Variants in ACAD11 observed in about 807,000 individuals in gnomAD.
ACAD11 encodes the protein acyl-Coenzyme A dehydrogenase family, member 11.
ACAD11 carries 83 observed loss-of-function variants against 102.2 expected under a neutral mutation model. That is an observed-to-expected ratio of 0.81 (90% CI 0.68 to 0.97). The LOEUF is 0.97. ACAD11 is among the 50% of genes least tolerant of loss of function. ACAD11 has a pLI of 0.00. For synonymous variants in ACAD11, 324 were observed against 319.8 expected (o/e 1.01, Z -0.14); for missense variants, 901 against 951.7 (o/e 0.95, Z 0.70).
In ACAD11 at chr3:132,626,608, A is replaced by T. The variant is rs537971570; in HGVS notation, c.1197+83T>A. The T allele has an allele frequency of 7.3e-6, 11 of 1,505,784 alleles. No individual in the cohort carries two copies. The Admixed American group carries it at 1.7e-4, about 24-fold the overall frequency. 93.3% of individuals were successfully genotyped at this position (1,505,784 alleles called of 1,614,324 possible). ...AGGATTGACTAAAGAAAATGACACC[A>T]TGCTTCTCCTATAAGCAGAAATAAC... On this transcript the variant is annotated intron_variant, in intron 9 of 19. Transcript: ENST00000264990.
At position 132,619,569 on chromosome 3, in the gene ACAD11, T is replaced by A. The variant is rs770332476; in HGVS notation, c.1198-24A>T. On this transcript the variant is annotated intron_variant, in intron 9 of 19. Coordinates refer to ENST00000264990, the MANE Select transcript of ACAD11 (RefSeq NM_032169.5). ...TCCTTAAAGTAATAAAAGAAAAAAA[T>A]TTCACTAGCTAAAGTTAATACAAAG... is the stretch of plus-strand genomic sequence containing the variant. The A allele has an allele frequency of 6.7e-6, 9 of 1,341,412 alleles. No homozygotes were observed. The Admixed American group carries it at 6.8e-5, about 10-fold the overall frequency. The allele number at this position is 1,341,412 out of a possible 1,614,324, so 83.1% of individuals were successfully genotyped here.
intron 17 of ACAD11, among the ~76,000 whole-genome samples, chr3:132,572,256 C>T (rs1937400895): frequency 2.6e-5 from 4 of 151,692 alleles, no homozygotes. Flanking sequence ...CACTAGCACT[C>T]CCCGAGAGCC....
At chr3:132,630,257 TC>T (rs1024244384) in intron 7 of ACAD11, among the ~76,000 whole-genome samples, 179 bp downstream of exon 7, 2 of 152,230 alleles carry the variant, frequency 1.3e-5, no homozygotes, top group Non-Finnish European at 2.9e-5. Flanking sequence ...TCAAATTTTT[TC>T]CTTGCCAAAT....
In ACAD11 at chr3:132,659,668, G is replaced by A. The variant is rs1015427610; in HGVS notation, c.84C>T (p.Tyr28=). Residue 28 remains tyrosine, a synonymous_variant, in exon 1 of 20, where the codon TAC becomes TAT. Transcript: ENST00000264990. ...CAAAGCCAGACAAGTGCTGGTTTAG[G>A]TAGGCCTCCAGGGACTTGCTGTCGA... ...HKFDSKSLEA[Y]LNQHLSGFGA... 1 of 1,611,620 alleles carries A rather than the reference G, an allele frequency of 6.2e-7. No homozygotes were observed. The highest frequency in any genetic ancestry group is 8.5e-7 in the Non-Finnish European group (1 of 1,178,954).
chr3:132,607,846 A>C (rs908028540), intron 11 of ACAD11, among the ~76,000 whole-genome samples: 11 of 152,186 alleles, frequency 7.2e-5, no homozygotes, highest in Middle Eastern at 3.2e-3. Context: ...GGTTGAAATG[A>C]AAGAAAAAAT....
In ACAD11 at chr3:132,605,161, G is replaced by C. The variant is rs1457503973; in HGVS notation, c.1459C>G (p.Gln487Glu). ...AGAGGCTCAAGCCACTGTTTCTTCT[G>C]TTCCTCACTTCCATACAGGTGCAGA... ...EVLHLYGSEE[Q>E]KKQWLEPLLQ... The change falls in exon 12 of 20, where the codon CAG becomes GAG. Residue 487 changes from glutamine (Q) to glutamate (E), a missense_variant. Coordinates refer to ENST00000264990, the MANE Select transcript of ACAD11 (RefSeq NM_032169.5). 3.1e-6 allele frequency: 5 copies of C among 1,613,720 alleles called. No individual in the cohort carries two copies. The highest frequency in any genetic ancestry group is 4.2e-6 in the Non-Finnish European group (5 of 1,179,668).
chr3:132,624,409 A>C (rs1939728384), intron 9 of ACAD11, among the ~76,000 whole-genome samples: 1 of 151,622 alleles, frequency 6.6e-6, no homozygotes, highest in Non-Finnish European at 1.5e-5. Flanking sequence ...GTTCGAGACC[A>C]GCCTGGCCAA....
intron 11 of ACAD11, among the ~76,000 whole-genome samples, chr3:132,607,710 T>C (rs1290077676): frequency 1.3e-5 from 2 of 152,100 alleles, no homozygotes; most frequent in Admixed American, 6.5e-5. Flanking sequence ...CTCAGGATAT[T>C]ATCCAGGAGA....
intron 13 of ACAD11, among the ~76,000 whole-genome samples, chr3:132,583,652 T>C (rs1034045619): frequency 6.6e-6 from 1 of 152,212 alleles, no homozygotes; most frequent in African/African-American, 2.4e-5. Context: ...AGGGTATCAA[T>C]TTTAGGTCTT....
At chr3:132,588,153 C>T (rs1315806434) in intron 13 of ACAD11, among the ~76,000 whole-genome samples, 3 of 152,154 alleles carry the variant, frequency 2.0e-5, no homozygotes, top group East Asian at 3.8e-4. Flanking sequence ...ACAAAATCAG[C>T]TTGCCTTTGT....
At chr3:132,601,573 T>TG in intron 13 of ACAD11, 1 of 607,644 alleles carries the variant, frequency 1.6e-6, no homozygotes, top group Non-Finnish European at 2.9e-6. Context: ...TAATAAAGAA[T>TG]GGGTTGGGGG....
chr3:132,579,274 G>A, intron 14 of ACAD11: 11 of 625,228 alleles, frequency 1.8e-5, no homozygotes, highest in Non-Finnish European at 1.3e-5. Flanking sequence ...TTCTAATACT[G>A]AAAATTCCAC....
chr3:132,583,397 TC>T (rs1224796614), intron 13 of ACAD11, among the ~76,000 whole-genome samples: 1 of 152,198 alleles, frequency 6.6e-6, no homozygotes, highest in Non-Finnish European at 1.5e-5. Context: ...GGTGGTGATA[TC>T]CCCTTTATCA....
intron 5 of ACAD11, among the ~76,000 whole-genome samples, chr3:132,632,304 CT>C (rs1478637586): frequency 2.0e-5 from 3 of 152,036 alleles, no homozygotes; most frequent in Admixed American, 6.6e-5. Context: ...CCAGGATGGT[CT>C]CGACCTCCTG....
intron 10 of ACAD11, chr3:132,619,053 T>C (rs1361053367): frequency 5.9e-6 from 2 of 337,110 alleles, no homozygotes; most frequent in Non-Finnish European, 1.1e-5. Flanking sequence ...ATCAGAACTA[T>C]TACAAAATCT....
intron 17 of ACAD11, among the ~76,000 whole-genome samples, chr3:132,569,965 A>T (rs961122352): frequency 2.0e-5 from 3 of 152,224 alleles, no homozygotes; most frequent in African/African-American, 7.2e-5. Flanking sequence ...GAAACTGGGC[A>T]AAGGATTCAA....
At chr3:132,626,613 TCTC>T in intron 9 of ACAD11, 75 bp downstream of exon 9, 2 of 1,536,414 alleles carry the variant, frequency 1.3e-6, no homozygotes, top group East Asian at 2.3e-5. Context: ...ACACCATGCT[TCTC>T]CTATAAGCAG....
At chr3:132,612,017 T>C (rs55967473) in intron 11 of ACAD11, among the ~76,000 whole-genome samples, 10,162 of 151,904 alleles carry the variant, frequency 0.067, 1,254 homozygotes, top group African/African-American at 0.23. Flanking sequence ...GTACTGGTAC[T>C]AAAACAGAGA....
At chr3:132,615,303 G>C (rs996125292) in intron 11 of ACAD11, among the ~76,000 whole-genome samples, 5 of 152,146 alleles carry the variant, frequency 3.3e-5, no homozygotes, top group Non-Finnish European at 4.4e-5. Context: ...AATACCATTT[G>C]ACCCACCAAT....
Sources: allele counts gnomAD v4.1 joint callset (sites outside exome capture counted in the v4.1 genomes callset), GRCh38; gene constraint gnomAD v4.1.1; transcripts MANE v1.5; gene names NCBI Gene and HGNC (gene_info 2026-07-23, HGNC 2026-07-21).